Variants in FOCAD observed in about 807,000 individuals in gnomAD.
FOCAD encodes the protein KIAA1797.
Under a neutral mutation model 225.6 loss-of-function variants are expected in FOCAD, and 198 were observed. That is an observed-to-expected ratio of 0.88 (90% CI 0.78 to 0.99). The LOEUF (loss-of-function observed/expected upper bound fraction) is 0.99. Ranked by LOEUF, FOCAD falls within the 50% of genes least tolerant of loss-of-function variation. FOCAD has a pLI of 0.00. For missense variants in FOCAD, 2,713 were observed against 2,123.6 expected (o/e 1.28, Z -5.46); for synonymous variants, 897 against 755.0 (o/e 1.19, Z -3.08).
chr9:20,956,087 G>T (rs148863132), intron 35 of FOCAD, among the ~76,000 whole-genome samples: 465 of 152,256 alleles, frequency 3.1e-3, no homozygotes, highest in Admixed American at 4.4e-3. Flanking sequence ...CTTGATATGG[G>T]CTAATTGGTC....
chr9:20,857,574 G>C (rs1490752283), intron 15 of FOCAD, among the ~76,000 whole-genome samples: 1 of 151,656 alleles, frequency 6.6e-6, no homozygotes, highest in South Asian at 2.1e-4. Flanking sequence ...CTATTGGGAT[G>C]CCCTTTCTTT....
intron 28 of FOCAD, among the ~76,000 whole-genome samples, chr9:20,942,921 G>A (rs1836813238): frequency 6.6e-6 from 1 of 152,226 alleles, no homozygotes; most frequent in African/African-American, 2.4e-5. Flanking sequence ...TGTCTCTGAG[G>A]AAGTAACATT....
chr9:20,782,946 C>G (rs754171175), intron 10 of FOCAD, among the ~76,000 whole-genome samples: 1 of 152,162 alleles, frequency 6.6e-6, no homozygotes, highest in East Asian at 1.9e-4. Flanking sequence ...AACAGGTAAT[C>G]GATTTGAATT....
intron 15 of FOCAD, among the ~76,000 whole-genome samples, chr9:20,833,281 A>G (rs1252745029): frequency 1.3e-5 from 2 of 152,004 alleles, no homozygotes; most frequent in Non-Finnish European, 2.9e-5. Flanking sequence ...ATTTTTCAAG[A>G]GTTACCAATA....
chr9:20,768,699 C>G (rs969882310), intron 7 of FOCAD, among the ~76,000 whole-genome samples: 3 of 152,136 alleles, frequency 2.0e-5, no homozygotes, highest in Non-Finnish European at 4.4e-5. Context: ...ACCATGCAAC[C>G]TTGTTGACCA....
In FOCAD at chr9:20,946,763, T is replaced by C; in HGVS notation, c.3618T>C (p.Ala1206=). The change falls in exon 30 of 44, where the codon GCT becomes GCC. Residue 1206 remains alanine, a synonymous_variant. Coordinates refer to ENST00000338382, the MANE Select transcript of FOCAD (RefSeq NM_001375567.1). ...CGTTCAGTGCTGGAATTATTGAGGCTACAGAGGCTGAGGATGTTATGAACA... is the reference window on the plus strand; with the variant it reads ...CGTTCAGTGCTGGAATTATTGAGGCCACAGAGGCTGAGGATGTTATGAACA... ...TSAFSAGIIE[A]TEAEDVMNKL... 2 of 1,613,910 alleles carry C rather than the reference T, an allele frequency of 1.2e-6. No individual in the cohort carries two copies. The highest frequency in any genetic ancestry group is 1.7e-6 in the Non-Finnish European group (2 of 1,179,822).
At chr9:20,769,955 C>G in intron 7 of FOCAD, 77 bp from the exon 8 acceptor site, 4 of 1,348,116 alleles carry the variant, frequency 3.0e-6, no homozygotes, top group East Asian at 2.4e-5. Context: ...TTACATTGTT[C>G]AAAGCTTTTT....
intron 11 of FOCAD, among the ~76,000 whole-genome samples, chr9:20,799,147 T>G (rs1186458816): frequency 6.6e-6 from 1 of 152,246 alleles, no homozygotes; most frequent in Non-Finnish European, 1.5e-5. Context: ...TTCCATGTAG[T>G]TGAGCGGTTT....
At chr9:20,870,571 A>T (rs1280624689) in intron 18 of FOCAD, among the ~76,000 whole-genome samples, 5 of 152,198 alleles carry the variant, frequency 3.3e-5, no homozygotes, top group Non-Finnish European at 7.4e-5. Context: ...TTGAATTTTG[A>T]TCTTTTCTCA....
chr9:20,662,315 C>G (rs1295160742), intron 2 of FOCAD, among the ~76,000 whole-genome samples: 2 of 152,138 alleles, frequency 1.3e-5, no homozygotes, highest in East Asian at 1.9e-4. Flanking sequence ...AGAACGTAGT[C>G]TGCACAAAAG....
At chr9:20,707,122 A>G (rs1164438820) in intron 1 of FOCAD, among the ~76,000 whole-genome samples, 1 of 152,224 alleles carries the variant, frequency 6.6e-6, no homozygotes, top group Non-Finnish European at 1.5e-5. Flanking sequence ...GAGAACAGAT[A>G]TTGGTGGATA....
chr9:20,988,820 T>C (rs1221991034), intron 41 of FOCAD, among the ~76,000 whole-genome samples: 1 of 152,112 alleles, frequency 6.6e-6, no homozygotes, highest in Non-Finnish European at 1.5e-5. Context: ...TGTGGGAATA[T>C]AGGGCTCTGG....
chr9:20,666,727 T>C (rs1478178525), intron 2 of FOCAD, among the ~76,000 whole-genome samples: 1 of 152,174 alleles, frequency 6.6e-6, no homozygotes, highest in Non-Finnish European at 1.5e-5. Context: ...AAAATTATGG[T>C]GATGGTTTAA....
chr9:20,954,474 C>G (rs897736306), intron 35 of FOCAD, among the ~76,000 whole-genome samples: 2 of 152,118 alleles, frequency 1.3e-5, no homozygotes, highest in Non-Finnish European at 2.9e-5. Context: ...AGAAGATAGA[C>G]TCTTTTTCTT....
At chr9:20,947,488 C>G (rs1030771911) in intron 30 of FOCAD, among the ~76,000 whole-genome samples, 4 of 152,018 alleles carry the variant, frequency 2.6e-5, no homozygotes, top group African/African-American at 4.8e-5. Flanking sequence ...TTGCTCGGGC[C>G]TACAGGAAGG....
intron 15 of FOCAD, among the ~76,000 whole-genome samples, chr9:20,830,296 G>T (rs1290594409): frequency 6.6e-6 from 1 of 151,986 alleles, no homozygotes; most frequent in African/African-American, 2.4e-5. Context: ...TAATGAAAAA[G>T]ATGTTTTGAG....
At chr9:20,780,639 T>TTATATTAATGTATAAATAATTACAC (rs1452299934) in intron 9 of FOCAD, among the ~76,000 whole-genome samples, 2 of 152,300 alleles carry the variant, frequency 1.3e-5, no homozygotes, top group Non-Finnish European at 2.9e-5. Context: ...ACATTAATTT[T>TTATATTAATGTATAAATAATTACAC]TATATTAATG....
At chr9:20,905,164 G>A (rs181929707) in intron 21 of FOCAD, among the ~76,000 whole-genome samples, 12 of 152,094 alleles carry the variant, frequency 7.9e-5, no homozygotes, top group East Asian at 1.9e-4. Context: ...CCCATAAAAC[G>A]TGGGGAGTTC....
intron 4 of FOCAD, among the ~76,000 whole-genome samples, chr9:20,737,874 ACCCT>A (rs1217871510): frequency 2.6e-5 from 4 of 152,164 alleles, no homozygotes; most frequent in Admixed American, 2.6e-4. Context: ...TGTGAACTCT[ACCCT>A]GTGACTTAGT....
Sources: allele counts gnomAD v4.1 joint callset (sites outside exome capture counted in the v4.1 genomes callset), GRCh38; gene constraint gnomAD v4.1.1; transcripts MANE v1.5; gene names NCBI Gene and HGNC (gene_info 2026-07-23, HGNC 2026-07-21).